The following STARD13 variants were observed in gnomAD, a reference collection of about 807,000 sequenced individuals.
STARD13 encodes the protein StAR related lipid transfer domain containing 13.
A neutral mutation model predicts 106.4 loss-of-function variants in STARD13; 62 were observed. The ratio of observed to expected loss-of-function variants is 0.58; its 90% CI spans 0.48 to 0.72. The LOEUF (loss-of-function observed/expected upper bound fraction) is 0.72, where lower values mean the gene tolerates loss of function less well. Among genes scored for constraint, STARD13 ranks in the 30% least tolerant of loss-of-function variants. The pLI is 0.00. For missense variants in STARD13, 1,387 were observed against 1,424.0 expected (o/e 0.97, Z 0.42); for synonymous variants, 565 against 553.0 (o/e 1.02, Z -0.31).
the STARD13 span, among the ~76,000 whole-genome samples, chr13:33,623,780 TCAA>T: frequency 6.6e-6 from 1 of 151,564 alleles, no homozygotes; most frequent in African/African-American, 2.4e-5. Flanking sequence ...GACAACCAAA[TCAA>T]CAACAACCAA....
the STARD13 span, among the ~76,000 whole-genome samples, chr13:33,393,301 A>G: frequency 6.6e-6 from 1 of 152,190 alleles, no homozygotes; most frequent in Non-Finnish European, 1.5e-5. Flanking sequence ...GAATGGATGC[A>G]AAAACCCAGG....
At chr13:33,440,040 C>G in the STARD13 span, among the ~76,000 whole-genome samples, 2 of 152,100 alleles carry the variant, frequency 1.3e-5, no homozygotes, top group South Asian at 2.1e-4. Context: ...TTCAGCAGGC[C>G]TAGGTGGGAG....
chr13:33,226,845 A>G (rs551594282), intron 1 of STARD13, among the ~76,000 whole-genome samples: 122 of 152,356 alleles, frequency 8.0e-4, no homozygotes, highest in Non-Finnish European at 1.4e-3. Context: ...TAAAAAGTCT[A>G]TTAACTTGAC....
intron 1 of STARD13, among the ~76,000 whole-genome samples, chr13:33,244,612 G>T (rs75568602): frequency 3.5e-4 from 54 of 152,148 alleles, no homozygotes; most frequent in Admixed American, 7.2e-4. Context: ...GGCTGAAGAG[G>T]TCTTTCAGCT....
intron 1 of STARD13, among the ~76,000 whole-genome samples, chr13:33,212,830 T>A (rs899510310): frequency 1.3e-5 from 2 of 152,230 alleles, no homozygotes; most frequent in Non-Finnish European, 2.9e-5. Flanking sequence ...ATTATTAAAT[T>A]GCCTTTCTTT....
the STARD13 span, among the ~76,000 whole-genome samples, chr13:33,543,203 T>A: frequency 1.5e-4 from 23 of 152,244 alleles, no homozygotes; most frequent in African/African-American, 4.6e-4. Context: ...GGTAGGAAGA[T>A]GACACGAGCT....
At chr13:33,301,858 G>A (rs892900131) in intron 1 of STARD13, among the ~76,000 whole-genome samples, 5 of 144,520 alleles carry the variant, frequency 3.5e-5, no homozygotes, top group South Asian at 2.3e-4. Context: ...GTGAGCCACC[G>A]CGCCCGGCCT....
the STARD13 span, among the ~76,000 whole-genome samples, chr13:33,504,302 A>T: frequency 3.9e-5 from 6 of 152,180 alleles, no homozygotes; most frequent in African/African-American, 7.2e-5. Context: ...AGACACATGC[A>T]CACATATGTT....
chr13:33,386,020 A>G, the STARD13 span, among the ~76,000 whole-genome samples: 2,909 of 152,222 alleles, frequency 0.019, 88 homozygotes, highest in African/African-American at 0.062. Context: ...TTCATTATTT[A>G]TTCATCAGGT....
the STARD13 span, among the ~76,000 whole-genome samples, chr13:33,498,123 A>G: frequency 6.6e-6 from 1 of 152,202 alleles, no homozygotes; most frequent in African/African-American, 2.4e-5. Flanking sequence ...TCTAAATTGA[A>G]GTTTTAAAAG....
intron 3 of STARD13, among the ~76,000 whole-genome samples, chr13:33,162,474 G>A (rs1013047626): frequency 6.6e-6 from 1 of 152,158 alleles, no homozygotes; most frequent in South Asian, 2.1e-4. Flanking sequence ...CTTTTCTACT[G>A]CATCGTCAGG....
intron 1 of STARD13, among the ~76,000 whole-genome samples, chr13:33,204,694 T>C (rs1277488240): frequency 6.6e-6 from 1 of 152,238 alleles, no homozygotes. Flanking sequence ...CAGCTCTATG[T>C]AAATGAAATC....
intron 1 of STARD13, among the ~76,000 whole-genome samples, chr13:33,259,195 G>C (rs1420750934): frequency 2.6e-5 from 4 of 152,194 alleles, no homozygotes; most frequent in Admixed American, 1.3e-4. Context: ...TCTAACAGTT[G>C]CTGAATAAAT....
At position 33,118,281 on chromosome 13, in the gene STARD13, G is replaced by A. The variant is rs764311891; in HGVS notation, c.2083-18C>T. ...AGACCCACCTGAAACAAAGCCATAG[G>A]GATGTGTCAGCCAGGCCACACTTGG... On this transcript the variant is annotated intron_variant, in intron 7 of 13. Transcript: ENST00000336934. The A allele has an allele frequency of 6.2e-7, 1 of 1,608,356 alleles. No homozygotes were observed. The highest frequency in any genetic ancestry group is 1.1e-5 in the South Asian group (1 of 90,946).
intron 1 of STARD13, among the ~76,000 whole-genome samples, chr13:33,206,393 ACACC>A (rs368698328): frequency 1.7e-4 from 25 of 144,306 alleles, no homozygotes; most frequent in African/African-American, 6.4e-4. Flanking sequence ...ACACACACAC[ACACC>A]CATAAATAAT....
intron 4 of STARD13, among the ~76,000 whole-genome samples, chr13:33,140,599 G>T (rs895271700): frequency 6.6e-6 from 1 of 152,110 alleles, no homozygotes; most frequent in Non-Finnish European, 1.5e-5. Flanking sequence ...TTTTTAAGGT[G>T]AGGTCCACTA....
At chr13:33,644,910 G>C in the STARD13 span, among the ~76,000 whole-genome samples, 1 of 152,186 alleles carries the variant, frequency 6.6e-6, no homozygotes, top group African/African-American at 2.4e-5. Flanking sequence ...TGCATCATTA[G>C]AGTACAAAAC....
intron 1 of STARD13, among the ~76,000 whole-genome samples, chr13:33,198,061 T>G (rs1886763737): frequency 9.5e-6 from 1 of 105,726 alleles, no homozygotes; most frequent in African/African-American, 4.8e-5. Flanking sequence ...TCCTAGCTAC[T>G]TAGGAGGGAG....
chr13:33,366,856 C>T, the STARD13 span, among the ~76,000 whole-genome samples: 2 of 152,122 alleles, frequency 1.3e-5, no homozygotes, highest in Admixed American at 6.5e-5. The surrounding 1 kb of genome is among the most constrained non-coding windows in gnomAD (Gnocchi z 4.2). Flanking sequence ...TGTGATAGGC[C>T]GGATATTATA....
Sources: gnomAD v4.1 joint callset for allele counts (sites outside exome capture counted in the v4.1 genomes callset) on GRCh38, gnomAD v4.1.1 for gene constraint, Gnocchi (gnomAD v3.1) non-coding constraint, MANE v1.5 for transcripts, NCBI Gene and HGNC (gene_info 2026-07-23, HGNC 2026-07-21) for gene names.